The following BMP7 variants were observed in gnomAD, a reference collection of about 807,000 sequenced individuals.
BMP7 encodes bone morphogenetic protein 7.
A neutral mutation model predicts 41.2 loss-of-function variants in BMP7; 12 were observed. That is an observed-to-expected ratio of 0.29 (90% confidence interval 0.19 to 0.47). BMP7 has a LOEUF of 0.47. Among genes scored for constraint, BMP7 ranks in the 20% least tolerant of loss-of-function variants. The pLI, the probability that BMP7 is intolerant of heterozygous loss-of-function variation, is 0.99. For synonymous variants in BMP7, 248 were observed against 250.0 expected, an observed-to-expected ratio of 0.99 and a Z score of 0.07; for missense variants, 467 against 606.0, an observed-to-expected ratio of 0.77 and a Z score of 2.41.
chr20:57,222,000 C>T (rs1985200398), intron 2 of BMP7, among the ~76,000 whole-genome samples: 2 of 152,132 alleles, frequency 1.3e-5, no homozygotes, highest in African/African-American at 2.4e-5. Flanking sequence ...GCTCCAAGAT[C>T]GCATTGTGGA....
In BMP7 at chr20:57,202,721, A is replaced by G. The variant is rs1364331934; in HGVS notation, c.612-98T>C. The G allele has an allele frequency of 2.4e-5, 11 of 466,726 alleles. No individual in the cohort carries two copies. In the East Asian group the frequency reaches 4.2e-4, roughly 18 times the overall value. The allele number at this position is 466,726 out of a possible 1,614,324, so 28.9% of individuals were successfully genotyped here. A position where few individuals can be genotyped will look rare whatever the true frequency, so the allele number is the denominator to read the frequency against. Reference sequence around the variant, plus strand: ...GCAGAGCCTCATGGGGTGGGAGGGGAGGGAAAGAGTCCACTGGTCCCCGAC... The same window carrying G: ...GCAGAGCCTCATGGGGTGGGAGGGGGGGGAAAGAGTCCACTGGTCCCCGAC... On this transcript the variant is annotated intron_variant, in intron 2 of 6. Coordinates refer to ENST00000395863, the MANE Select transcript of BMP7 (RefSeq NM_001719.3).
chr20:57,238,787 T>C (rs1261899535), intron 1 of BMP7, among the ~76,000 whole-genome samples: 1 of 151,982 alleles, frequency 6.6e-6, no homozygotes, highest in Non-Finnish European at 1.5e-5. Flanking sequence ...AGGCACTTCT[T>C]ACATGGCAGC....
In BMP7 at chr20:57,171,538, G is replaced by A. The variant is rs866359910; in HGVS notation, c.1147-430C>T. ...AGACTCAAATGCCTATGAGTGCCAC[G>A]TGAGTGCCACTGATAAGCAAAATAG... On this transcript the variant is annotated intron_variant, in intron 6 of 6. Coordinates refer to ENST00000395863, the MANE Select transcript of BMP7 (RefSeq NM_001719.3). This position sits in a 1 kb window ranked among gnomAD's most constrained non-coding sequence, Gnocchi z 4.5. Among the ~76,000 whole-genome samples, 2 of 152,294 alleles carry A rather than the reference G, an allele frequency of 1.3e-5. No individual in the cohort carries two copies. The highest frequency in any genetic ancestry group is 1.9e-4 in the East Asian group (1 of 5,168).
At chr20:57,254,742 C>T (rs1223540170) in intron 1 of BMP7, among the ~76,000 whole-genome samples, 3 of 152,116 alleles carry the variant, frequency 2.0e-5, no homozygotes, top group Admixed American at 6.5e-5. Flanking sequence ...GCTTCTCTCT[C>T]GAATCCCCTG....
chr20:57,191,270 C>T (rs1401152067), intron 3 of BMP7, among the ~76,000 whole-genome samples: 1 of 152,138 alleles, frequency 6.6e-6, no homozygotes, highest in Non-Finnish European at 1.5e-5. Context: ...CTGAGCCCAG[C>T]ACTACCGTGT....
intron 1 of BMP7, among the ~76,000 whole-genome samples, chr20:57,247,392 T>C (rs191566900): frequency 3.9e-5 from 6 of 152,218 alleles, no homozygotes; most frequent in African/African-American, 1.2e-4. Flanking sequence ...CCAAGCAACA[T>C]GTCTTCACAA....
intron 1 of BMP7, among the ~76,000 whole-genome samples, chr20:57,231,759 G>T (rs112782793): frequency 6.6e-6 from 1 of 152,184 alleles, no homozygotes; most frequent in South Asian, 2.1e-4. Flanking sequence ...GTGGCTCCCC[G>T]CAAACCTCAG....
chr20:57,239,497 A>G (rs956706454), intron 1 of BMP7, among the ~76,000 whole-genome samples: 16 of 152,134 alleles, frequency 1.1e-4, no homozygotes, highest in African/African-American at 3.9e-4. Flanking sequence ...ACACGGTTCA[A>G]GCTGTTGGAT....
intron 1 of BMP7, among the ~76,000 whole-genome samples, chr20:57,264,327 G>A (rs2066165454): frequency 3.3e-5 from 5 of 152,220 alleles, no homozygotes; most frequent in South Asian, 2.1e-4. Flanking sequence ...GCGCCCGTGG[G>A]CGTGAGTTTG....
intron 2 of BMP7, among the ~76,000 whole-genome samples, chr20:57,220,027 TG>T (rs1346102578): frequency 6.6e-6 from 1 of 152,194 alleles, no homozygotes; most frequent in Non-Finnish European, 1.5e-5. Flanking sequence ...CCATTAGCAA[TG>T]CCTGCCTTGG....
At chr20:57,196,894 T>G (rs1984503497) in intron 3 of BMP7, among the ~76,000 whole-genome samples, 1 of 152,158 alleles carries the variant, frequency 6.6e-6, no homozygotes, top group Middle Eastern at 3.4e-3. Context: ...CCATAAAACA[T>G]ACTTTTTAAT....
At chr20:57,253,195 T>C (rs943848690) in intron 1 of BMP7, among the ~76,000 whole-genome samples, 3 of 152,138 alleles carry the variant, frequency 2.0e-5, no homozygotes, top group Non-Finnish European at 4.4e-5. Context: ...CTAAAGGAAA[T>C]GACCAACCAG....
Position 57,171,147 on chromosome 20 carries a change from G to A in BMP7, c.1147-39C>T, listed in dbSNP as rs779339743. The A allele has an allele frequency of 2.7e-5, 44 of 1,613,636 alleles. No homozygotes were observed. The highest frequency in any genetic ancestry group is 3.5e-5 in the Non-Finnish European group (41 of 1,179,800). On this transcript the variant is annotated intron_variant, in intron 6 of 6. Transcript: ENST00000395863. This position sits in a 1 kb window ranked among gnomAD's most constrained non-coding sequence, Gnocchi z 4.5. ...CAAAACATGGGCAGTGGTGAGAAGCGGTGAGTCGTTCTAACTGGCCTCCAC... is the reference window on the plus strand; with the variant it reads ...CAAAACATGGGCAGTGGTGAGAAGCAGTGAGTCGTTCTAACTGGCCTCCAC...
chr20:57,183,876 G>C lies in BMP7; in HGVS notation c.804C>G (p.His268Gln), dbSNP rs149163942. 1.2e-6 allele frequency: 2 copies of C among 1,613,950 alleles called. No individual in the cohort carries two copies. Among genetic ancestry groups the C allele is most frequent in the Non-Finnish European group, 1.7e-6 (2 of 1,180,048 alleles). Reference sequence around the variant, plus strand: ...TGAAGGGCTGCTTGTTCTGGGGCCCGTGCCGCCCAATCAGGCCCGCCAACT... The same window carrying C: ...TGAAGGGCTGCTTGTTCTGGGGCCCCTGCCGCCCAATCAGGCCCGCCAACT... The part of the protein sequence containing the change: ...NPKLAGLIGR[H>Q]GPQNKQPFMV... The change falls in exon 4 of 7, where the codon CAC (histidine) becomes CAG (glutamine). Residue 268 changes from histidine (H) to glutamine (Q), a missense_variant. His to Gln is a conservative substitution (Grantham distance 24). Around this residue, in one of 2 missense-constraint regions of BMP7, gnomAD observed 407 missense variants for 485.9 expected, o/e 0.84. Transcript: ENST00000395863.
chr20:57,210,512 G>A (rs556933231), intron 2 of BMP7, among the ~76,000 whole-genome samples: 28 of 152,146 alleles, frequency 1.8e-4, no homozygotes, highest in Non-Finnish European at 3.1e-4. Flanking sequence ...CCCACCACCC[G>A]CCTCCCAGGG....
intron 2 of BMP7, among the ~76,000 whole-genome samples, chr20:57,211,725 G>A (rs1984888756): frequency 1.3e-5 from 2 of 152,320 alleles, no homozygotes; most frequent in South Asian, 4.1e-4. Flanking sequence ...TCAGGGTGGT[G>A]TGACTGCGGC....
intron 1 of BMP7, among the ~76,000 whole-genome samples, chr20:57,245,635 A>ATTTTTTT (rs565788005): frequency 1.7e-5 from 2 of 118,632 alleles, no homozygotes; most frequent in Admixed American, 8.9e-5. Context: ...GTGATTAGTG[A>ATTTTTTT]TTTTTTTTTT....
rs1404108419 is a variant in BMP7, at chr20:57,171,705, G to A, written c.1147-597C>T. 6.6e-6 allele frequency among the ~76,000 whole-genome samples: 1 copy of A among 152,194 alleles called. No individual in the cohort carries two copies. Among genetic ancestry groups the A allele is most frequent in the Non-Finnish European group, 1.5e-5 (1 of 68,026 alleles). On this transcript the variant is annotated intron_variant, in intron 6 of 6. Coordinates refer to ENST00000395863, the MANE Select transcript of BMP7 (RefSeq NM_001719.3). This position sits in a 1 kb window ranked among gnomAD's most constrained non-coding sequence, Gnocchi z 4.5. The stretch of plus-strand genomic sequence containing the variant: ...TTCAAGACAGGCCAGAGATTCCACT[G>A]TCCTGTTGTTTTCAACGTGAAACTT...
In BMP7 at chr20:57,259,403, G is replaced by A. The variant is rs2066145520; in HGVS notation, c.418+6302C>T. On this transcript the variant is annotated intron_variant, in intron 1 of 6. Coordinates refer to ENST00000395863, the MANE Select transcript of BMP7 (RefSeq NM_001719.3). This position sits in a 1 kb window ranked among gnomAD's most constrained non-coding sequence, Gnocchi z 4.7. ...CCAAACACAGGAAAGGAAGGAAATTGGAAACACAGTTTATACTTGGCCAGC... is the reference window on the plus strand; with the variant it reads ...CCAAACACAGGAAAGGAAGGAAATTAGAAACACAGTTTATACTTGGCCAGC... 6.6e-6 allele frequency among the ~76,000 whole-genome samples: 1 copy of A among 152,188 alleles called. No individual in the cohort carries two copies.
Sources: gnomAD v4.1 joint callset for allele counts (sites outside exome capture counted in the v4.1 genomes callset) on GRCh38, gnomAD v4.1.1 for gene constraint, gnomAD v4.1.1 regional missense constraint, Gnocchi (gnomAD v3.1) non-coding constraint, MANE v1.5 for transcripts, NCBI Gene and HGNC (gene_info 2026-07-23, HGNC 2026-07-21) for gene names.